The following ZBTB47 variants were observed in gnomAD, a reference collection of about 807,000 sequenced individuals.
ZBTB47 encodes the protein zinc finger and BTB domain containing 47, also known as zinc finger and BTB domain-containing protein 47.
A neutral mutation model predicts 56.6 loss-of-function variants in ZBTB47; 24 were observed. The ratio of observed to expected loss-of-function variants is 0.42; its 90% CI spans 0.31 to 0.60. The LOEUF (loss-of-function observed/expected upper bound fraction) is 0.60, where lower values mean the gene tolerates loss of function less well. Among genes scored for constraint, ZBTB47 ranks in the 20% least tolerant of loss-of-function variants. The pLI, the probability that ZBTB47 is intolerant of heterozygous loss-of-function variation, is 0.14. For missense variants in ZBTB47, 829 were observed against 1,032.6 expected (o/e 0.80, Z 2.70); for synonymous variants, 414 against 418.9 (o/e 0.99, Z 0.14).
intron 1 of ZBTB47, among the ~76,000 whole-genome samples, chr3:42,657,472 AGCTGCTGGG>A (rs1044910206): frequency 6.6e-6 from 1 of 152,104 alleles, no homozygotes; most frequent in African/African-American, 2.4e-5. Context: ...AGTGAGAGAG[AGCTGCTGGG>A]GGCTAGGCCT....
intron 2 of ZBTB47, among the ~76,000 whole-genome samples, chr3:42,660,140 A>G: frequency 6.6e-6 from 1 of 152,200 alleles, no homozygotes; most frequent in Non-Finnish European, 1.5e-5. Context: ...ATGAGAGTGG[A>G]GAGTTGTCTG....
chr3:42,662,731 G>A (rs953544960), intron 3 of ZBTB47, among the ~76,000 whole-genome samples: 5 of 152,208 alleles, frequency 3.3e-5, no homozygotes, highest in African/African-American at 9.6e-5. Flanking sequence ...CTTCCCTGAA[G>A]CTTTGGGGGC....
rs926083185 is a variant in ZBTB47, at chr3:42,656,249, C to T, written c.-81-2026C>T. Among the ~76,000 whole-genome samples the T allele has an allele frequency of 5.3e-5, 8 of 152,102 alleles. No homozygotes were observed. The highest frequency in any genetic ancestry group is 2.0e-4 in the Admixed American group (3 of 15,280). The stretch of plus-strand genomic sequence containing the variant: ...GGATAGTGGTGAGTGTGGGGAAGCA[C>T]GGCTGGTCTCCAGGTGGCGGGATGT... On this transcript the variant is annotated intron_variant, in intron 1 of 5. Transcript: ENST00000232974. The surrounding 1 kb of genome is among the most constrained non-coding windows in gnomAD (Gnocchi z 5.8).
chr3:42,659,309 G>C lies in ZBTB47; in HGVS notation c.954G>C (p.Glu318Asp), dbSNP rs1710682236. Reference protein sequence around the residue: ...GGSQGEEEEEEEDGHSEQEEE... With the variant: ...GGSQGEEEEEDEDGHSEQEEE... Reference sequence around the variant, plus strand: ...GTCAGGGAGAAGAGGAAGAAGAGGAGGAGGACGGGCACAGTGAGCAGGAAG... The same window carrying C: ...GTCAGGGAGAAGAGGAAGAAGAGGACGAGGACGGGCACAGTGAGCAGGAAG... Residue 318 changes from glutamate to aspartate, a missense_variant, in exon 2 of 6, where the codon GAG becomes GAC. By Grantham distance (45) the Glu-to-Asp change is conservative. This residue lies in a region of ZBTB47 where 359 missense variants were observed against 359.8 expected (regional missense o/e 1.00). Transcript: ENST00000232974. 6.8e-7 allele frequency: 1 copy of C among 1,477,398 alleles called. No individual in the cohort carries two copies. The highest frequency in any genetic ancestry group is 1.4e-5 in the African/African-American group (1 of 71,694). 91.5% of individuals were successfully genotyped at this position (1,477,398 alleles called of 1,614,324 possible).
At chr3:42,660,492 G>A (rs1391429437) in intron 2 of ZBTB47, among the ~76,000 whole-genome samples, 1 of 152,186 alleles carries the variant, frequency 6.6e-6, no homozygotes, top group Non-Finnish European at 1.5e-5. Context: ...AGCTGAGCTG[G>A]CTGCTGGGCC....
At position 42,659,500 on chromosome 3, in the gene ZBTB47, G is replaced by A. The variant is rs370785303; in HGVS notation, c.1145G>A (p.Arg382Gln). The change falls in exon 2 of 6, where the codon CGG (arginine) becomes CAG (glutamine). Residue 382 changes from arginine to glutamine, a missense_variant. Coordinates refer to ENST00000232974, the MANE Select transcript of ZBTB47 (RefSeq NM_145166.4). ...PPHSHMATRS[R>Q]ENARRRGTPE... ...CACAGTCACATGGCCACACGGTCCC[G>A]GGAGAACGCCCGGCGCCGGGGTACC... 270 of 1,536,912 alleles carry A rather than the reference G, an allele frequency of 1.8e-4. 1 individual carries two copies. In the South Asian group the frequency reaches 2.0e-3, roughly 11 times the overall value.
In ZBTB47 at chr3:42,662,958, C is replaced by T. The variant is rs560965367; in HGVS notation, c.1622-54C>T. On this transcript the variant is annotated intron_variant, in intron 3 of 5. Coordinates refer to ENST00000232974, the MANE Select transcript of ZBTB47 (RefSeq NM_145166.4). Reference sequence around the variant, plus strand: ...AGGAGGCAGGGTCTGGGCCCAACGTCGGGGTGCTTGGGCAGGCCCGTAAAA... The same window carrying T: ...AGGAGGCAGGGTCTGGGCCCAACGTTGGGGTGCTTGGGCAGGCCCGTAAAA... 2.5e-5 allele frequency: 35 copies of T among 1,373,956 alleles called. No homozygotes were observed. In the African/African-American group the frequency reaches 3.8e-4, roughly 15 times the overall value. The allele number at this position is 1,373,956 out of a possible 1,614,324, so 85.1% of individuals were successfully genotyped here.
At position 42,658,634 on chromosome 3, in the gene ZBTB47, C is replaced by T; in HGVS notation, c.279C>T (p.Ala93=). The stretch of plus-strand genomic sequence containing the variant: ...ACGTCCACGAGGTGCTCAGCGCCGC[C>T]TCATTGCTGCAGATGGCTGACATCG... The part of the protein sequence containing the change: ...AANVHEVLSA[A]SLLQMADIAA... Residue 93 remains alanine, a synonymous_variant, in exon 2 of 6, where the codon GCC becomes GCT. Coordinates refer to ENST00000232974, the MANE Select transcript of ZBTB47 (RefSeq NM_145166.4). The T allele has an allele frequency of 6.5e-7, 1 of 1,536,918 alleles. No individual in the cohort carries two copies.
In ZBTB47 at chr3:42,659,517, C is replaced by T. The variant is rs775819382; in HGVS notation, c.1162C>T (p.Arg388Trp). Residue 388 changes from arginine to tryptophan, a missense_variant, in exon 2 of 6, where the codon CGG (arginine) becomes TGG (tryptophan). By Grantham distance (101) the Arg-to-Trp change is moderately radical (BLOSUM62 -3). This residue lies in a region of ZBTB47 where 359 missense variants were observed against 359.8 expected (regional missense o/e 1.00). Coordinates refer to ENST00000232974, the MANE Select transcript of ZBTB47 (RefSeq NM_145166.4). ...ACGGTCCCGGGAGAACGCCCGGCGC[C>T]GGGGTACCCCTGAACCTGAAGAAGC... ...ATRSRENARRRGTPEPEEAGR... is the reference protein window; with the variant it reads ...ATRSRENARRWGTPEPEEAGR... The T allele has an allele frequency of 1.7e-5, 27 of 1,544,438 alleles. No homozygotes were observed. Among genetic ancestry groups the T allele is most frequent in the Non-Finnish European group, 2.2e-5 (25 of 1,148,038 alleles).
Position 42,658,685 on chromosome 3 carries a change from C to A in ZBTB47, c.330C>A (p.Asp110Glu), listed in dbSNP as rs550086987. ...DIAASCQELL[D>E]ARSLGPPGPG... is the part of the protein sequence containing the mutation. ...CTGCGTCCTGCCAAGAGCTGCTGGA[C>A]GCCCGCTCTCTAGGCCCACCAGGTC... The change falls in exon 2 of 6, where the codon GAC becomes GAA. Residue 110 changes from aspartate to glutamate, a missense_variant. By Grantham distance (45) the Asp-to-Glu change is conservative. Transcript: ENST00000232974. 3 of 1,536,144 alleles carry A rather than the reference C, an allele frequency of 2.0e-6. No individual in the cohort carries two copies. Among genetic ancestry groups the A allele is most frequent in the African/African-American group, 2.7e-5 (2 of 73,058 alleles).
chr3:42,654,384 C>G lies in ZBTB47; in HGVS notation c.-82+501C>G, dbSNP rs1273741984. The G allele has an allele frequency of 6.6e-6, 1 of 151,460 alleles. No homozygotes were observed. Among genetic ancestry groups the G allele is most frequent in the Non-Finnish European group, 1.5e-5 (1 of 67,632 alleles). 9.4% of individuals were successfully genotyped at this position (151,460 alleles called of 1,614,324 possible). A position where few individuals can be genotyped will look rare whatever the true frequency, so the allele number is the denominator to read the frequency against. On this transcript the variant is annotated intron_variant, in intron 1 of 5. Transcript: ENST00000232974. The surrounding 1 kb of genome is among the most constrained non-coding windows in gnomAD (Gnocchi z 5.0). ...CCGCGCACACCACGCGTGTCCGCGC[C>G]CCCCGCCGGCACGCAGGCGGCCTGG...
chr3:42,658,911 C>T lies in ZBTB47; in HGVS notation c.556C>T (p.Gln186Ter). Reference protein sequence around the residue: ...GTVPATIGPAQPFFKEEKEGG... With the variant: ...GTVPATIGPA ...AGTGCCTGCCACCATTGGGCCAGCC[C>T]AGCCCTTCTTTAAGGAGGAGAAGGA... The change falls in exon 2 of 6, where the codon CAG becomes TAG. Residue 186 changes from glutamine to a stop codon, truncating the protein, a stop_gained. Coordinates refer to ENST00000232974, the MANE Select transcript of ZBTB47 (RefSeq NM_145166.4). LOFTEE classifies it high-confidence loss of function. 6.7e-7 allele frequency: 1 copy of T among 1,502,078 alleles called. No individual in the cohort carries two copies. The highest frequency in any genetic ancestry group is 8.9e-7 in the Non-Finnish European group (1 of 1,129,434). 93.0% of individuals were successfully genotyped at this position (1,502,078 alleles called of 1,614,324 possible).
rs369057019 is a variant in ZBTB47, at chr3:42,664,199, C to T, written c.1883-38C>T. 3.1e-6 allele frequency: 5 copies of T among 1,607,468 alleles called. No homozygotes were observed. The African/African-American group carries it at 5.3e-5, about 17-fold the overall frequency. Reference sequence around the variant, plus strand: ...TGGCCCCAGACTGGGGTGTGGCGACCCCTCACTGACGCCCTGCTGCCCACC... The same window carrying T: ...TGGCCCCAGACTGGGGTGTGGCGACTCCTCACTGACGCCCTGCTGCCCACC... On this transcript the variant is annotated intron_variant, in intron 5 of 5. Coordinates refer to ENST00000232974, the MANE Select transcript of ZBTB47 (RefSeq NM_145166.4).
At chr3:42,653,543 C>T (rs1394826891), upstream of ZBTB47, 1 of 152,424 alleles carries the variant, frequency 6.6e-6, no homozygotes, top group African/African-American at 2.4e-5. Flanking sequence ...TCTAGTGCCC[C>T]GTGGTCCCCA....
Position 42,664,586 on chromosome 3 carries a change from C to T in ZBTB47, c.2232C>T (p.Asn744=), listed in dbSNP as rs116538894. Residue 744 remains asparagine (N), a synonymous_variant, in exon 6 of 6, where the codon AAC becomes AAT. Coordinates refer to ENST00000232974, the MANE Select transcript of ZBTB47 (RefSeq NM_145166.4). ...CTGCCAGCCCCGGCGGGAGGATGAA[C>T]GCCAACAACTAGCTGCCGAGCTGCA... is the stretch of plus-strand genomic sequence containing the variant. ...PTTASPGGRM[N]ANN is the part of the protein sequence containing the mutation. 5.1e-3 allele frequency: 7,018 copies of T among 1,372,848 alleles called. 246 individuals are homozygous for T. The African/African-American group carries it at 0.093, about 18-fold the overall frequency. The allele number at this position is 1,372,848 out of a possible 1,614,324, so 85.0% of individuals were successfully genotyped here. A position where few individuals can be genotyped will look rare whatever the true frequency, so the allele number is the denominator to read the frequency against.
At position 42,659,029 on chromosome 3, in the gene ZBTB47, C is replaced by T; in HGVS notation, c.674C>T (p.Thr225Ile). ...ELEEELGGSG[T>I]YSRREQSQII... Reference sequence around the variant, plus strand: ...GAGGAAGAGCTTGGGGGTTCTGGCACCTACAGCCGCAGGGAGCAATCCCAG... The same window carrying T: ...GAGGAAGAGCTTGGGGGTTCTGGCATCTACAGCCGCAGGGAGCAATCCCAG... Residue 225 changes from threonine (T) to isoleucine (I), a missense_variant, in exon 2 of 6, where the codon ACC (threonine) becomes ATC (isoleucine). Around this residue, in one of 6 missense-constraint regions of ZBTB47, gnomAD observed 359 missense variants for 359.8 expected, o/e 1.00. Coordinates refer to ENST00000232974, the MANE Select transcript of ZBTB47 (RefSeq NM_145166.4). 1 of 1,530,458 alleles carries T rather than the reference C, an allele frequency of 6.5e-7. No homozygotes were observed. Among genetic ancestry groups the T allele is most frequent in the Non-Finnish European group, 8.7e-7 (1 of 1,143,964 alleles). The allele number at this position is 1,530,458 out of a possible 1,614,324, so 94.8% of individuals were successfully genotyped here.
At position 42,658,329 on chromosome 3, in the gene ZBTB47, G is replaced by A; in HGVS notation, c.-27G>A. The A allele has an allele frequency of 6.6e-7, 1 of 1,512,876 alleles. No homozygotes were observed. The highest frequency in any genetic ancestry group is 8.8e-7 in the Non-Finnish European group (1 of 1,134,228). 93.7% of individuals were successfully genotyped at this position (1,512,876 alleles called of 1,614,324 possible). ...GGCGGCTGAGTTCTCGCTGGTGGAGGACGTGGCGCTGCACTTTGCCTGCTT... is the reference window on the plus strand; with the variant it reads ...GGCGGCTGAGTTCTCGCTGGTGGAGAACGTGGCGCTGCACTTTGCCTGCTT... On this transcript the variant is annotated 5_prime_UTR_variant, in exon 2 of 6. Transcript: ENST00000232974.
chr3:42,664,427 C>A lies in ZBTB47; in HGVS notation c.2073C>A (p.Gly691=), dbSNP rs372932435. The change falls in exon 6 of 6, where the codon GGC becomes GGA. Residue 691 remains glycine (G), a synonymous_variant. Coordinates refer to ENST00000232974, the MANE Select transcript of ZBTB47 (RefSeq NM_145166.4). ...KCFRVSHTLA[G]DGVPAAPGLP... ...TCCGCGTCAGCCACACCCTGGCCGG[C>A]GACGGCGTCCCCGCTGCCCCAGGCC... 40 of 1,546,236 alleles carry A rather than the reference C, an allele frequency of 2.6e-5. 1 individual carries two copies. Among genetic ancestry groups the A allele is most frequent in the Non-Finnish European group, 3.5e-5 (40 of 1,148,566 alleles).
At chr3:42,655,084 G>A (rs1415050549) in intron 1 of ZBTB47, among the ~76,000 whole-genome samples, 1 of 152,200 alleles carries the variant, frequency 6.6e-6, no homozygotes, top group Non-Finnish European at 1.5e-5. Context: ...GGATGACCCG[G>A]GCCAAGGGGG....
Sources: allele counts gnomAD v4.1 joint callset (sites outside exome capture counted in the v4.1 genomes callset), GRCh38; gene constraint gnomAD v4.1.1; regional missense constraint gnomAD v4.1.1; non-coding constraint Gnocchi (gnomAD v3.1); transcripts MANE v1.5; gene names NCBI Gene and HGNC (gene_info 2026-07-23, HGNC 2026-07-21).